Variants in TMTC1 observed in about 807,000 individuals in gnomAD.
The protein encoded by TMTC1 is transmembrane O-mannosyltransferase targeting cadherins 1.
Under a neutral mutation model 104.8 loss-of-function variants are expected in TMTC1, and 73 were observed. The ratio of observed to expected loss-of-function variants is 0.70; its 90% CI spans 0.58 to 0.85. TMTC1 has a LOEUF of 0.85. Among genes scored for constraint, TMTC1 ranks in the 40% least tolerant of loss-of-function variants. TMTC1 has a pLI of 0.00. For synonymous variants in TMTC1, 434 were observed against 428.7 expected, an observed-to-expected ratio of 1.01 and a Z score of -0.15; for missense variants, 1,035 against 1,096.1, an observed-to-expected ratio of 0.94 and a Z score of 0.79.
At chr12:29,546,700 T>G (rs542910029) in intron 10 of TMTC1, among the ~76,000 whole-genome samples, 1 of 152,170 alleles carries the variant, frequency 6.6e-6, no homozygotes, top group Non-Finnish European at 1.5e-5. Flanking sequence ...GACAAATGTA[T>G]GCAGAAAGAA....
At chr12:29,544,680 G>A (rs1944894527) in intron 10 of TMTC1, among the ~76,000 whole-genome samples, 1 of 152,194 alleles carries the variant, frequency 6.6e-6, no homozygotes, top group African/African-American at 2.4e-5. Context: ...TCACTTCAAA[G>A]TGTATGCAAA....
At chr12:29,775,230 T>A (rs1055842661) in intron 1 of TMTC1, among the ~76,000 whole-genome samples, 9 of 152,278 alleles carry the variant, frequency 5.9e-5, no homozygotes, top group Middle Eastern at 3.4e-3. Context: ...CATTTTTTTT[T>A]AAATGTGTGT....
At chr12:29,691,729 A>AAC (rs1252011559) in intron 5 of TMTC1, among the ~76,000 whole-genome samples, 2 of 142,570 alleles carry the variant, frequency 1.4e-5, no homozygotes, top group Non-Finnish European at 3.0e-5. Flanking sequence ...GGAAAAAAAA[A>AAC]AAAAAAAAAC....
intron 2 of TMTC1, among the ~76,000 whole-genome samples, chr12:29,766,560 T>A (rs919775818): frequency 1.3e-5 from 2 of 152,158 alleles, no homozygotes; most frequent in Non-Finnish European, 2.9e-5. Flanking sequence ...ATCAGACTAT[T>A]CCTTTGTAAG....
At chr12:29,563,021 C>T (rs965806646) in intron 9 of TMTC1, among the ~76,000 whole-genome samples, 7 of 152,196 alleles carry the variant, frequency 4.6e-5, no homozygotes, top group Non-Finnish European at 1.0e-4. Flanking sequence ...TTCTTCATCA[C>T]TAACCTAGTG....
At chr12:29,735,423 A>G (rs1403635117) in intron 5 of TMTC1, among the ~76,000 whole-genome samples, 1 of 152,222 alleles carries the variant, frequency 6.6e-6, no homozygotes, top group Non-Finnish European at 1.5e-5. Flanking sequence ...AGTCGTTATA[A>G]GGATTAAGTG....
At chr12:29,670,937 A>G (rs547389858) in intron 5 of TMTC1, among the ~76,000 whole-genome samples, 7 of 125,386 alleles carry the variant, frequency 5.6e-5, no homozygotes, top group Non-Finnish European at 1.1e-4. Flanking sequence ...TCTGTCTCAA[A>G]AAAAAAGAAA....
At chr12:29,586,113 A>C (rs1458130481) in intron 7 of TMTC1, among the ~76,000 whole-genome samples, 4 of 152,080 alleles carry the variant, frequency 2.6e-5, no homozygotes, top group East Asian at 1.9e-4. Flanking sequence ...CTTTTATTTC[A>C]TTGAGCAGTG....
chr12:29,624,026 C>T (rs1937834136), intron 6 of TMTC1, among the ~76,000 whole-genome samples: 1 of 152,004 alleles, frequency 6.6e-6, no homozygotes, highest in South Asian at 2.1e-4. Context: ...GTTGCCCTGG[C>T]TGGAGCACAG....
rs77513599 is a variant in TMTC1 at position 29,555,134 on chromosome 12, C to CTTTTTT, written c.1676+1717_1676+1722dup. The stretch of plus-strand genomic sequence containing the variant: ...GGGTTTAGGATTCAGTTCCAACATC[C>CTTTTTT]TTTTTTTTTTTTTTTTTTTTTGAGA... On this transcript the variant is annotated intron_variant, in intron 10 of 17. Coordinates refer to ENST00000539277, the MANE Select transcript of TMTC1 (RefSeq NM_001193451.2). Among the ~76,000 whole-genome samples, 161 of 88,198 alleles carry CTTTTTT rather than the reference C, an allele frequency of 1.8e-3. 7 individuals are homozygous for CTTTTTT. Among genetic ancestry groups the CTTTTTT allele is most frequent in the African/African-American group, 4.7e-3 (99 of 21,286 alleles). 57.9% of individuals were successfully genotyped at this position (88,198 alleles called of 152,430 possible). A position where few individuals can be genotyped will look rare whatever the true frequency, so the allele number is the denominator to read the frequency against.
chr12:29,709,512 C>T (rs758196152), intron 5 of TMTC1, among the ~76,000 whole-genome samples: 1 of 151,934 alleles, frequency 6.6e-6, no homozygotes, highest in Non-Finnish European at 1.5e-5. Context: ...AAGAACAATA[C>T]ATTTCCATGT....
intron 2 of TMTC1, among the ~76,000 whole-genome samples, chr12:29,766,993 A>G (rs1262551428): frequency 6.6e-6 from 1 of 151,104 alleles, no homozygotes; most frequent in Non-Finnish European, 1.5e-5. Flanking sequence ...TCTGTTGCCC[A>G]GGCTGGAGTA....
intron 5 of TMTC1, among the ~76,000 whole-genome samples, chr12:29,638,765 C>T (rs916759722): frequency 3.2e-4 from 48 of 152,260 alleles, no homozygotes; most frequent in African/African-American, 1.0e-3. Flanking sequence ...ACCGAAGAAT[C>T]GAGCCACTCC....
intron 5 of TMTC1, among the ~76,000 whole-genome samples, chr12:29,709,373 A>T (rs185523610): frequency 1.3e-5 from 2 of 152,338 alleles, no homozygotes; most frequent in African/African-American, 4.8e-5. Flanking sequence ...TGTGTATATT[A>T]AGTGAGATAA....
chr12:29,528,875 A>G (rs1944420420), intron 11 of TMTC1, among the ~76,000 whole-genome samples: 1 of 151,860 alleles, frequency 6.6e-6, no homozygotes, highest in Non-Finnish European at 1.5e-5. Context: ...AAACTTAAAC[A>G]TAAATAATAT....
At chr12:29,705,933 C>T (rs921829937) in intron 5 of TMTC1, among the ~76,000 whole-genome samples, 5 of 151,722 alleles carry the variant, frequency 3.3e-5, no homozygotes, top group Non-Finnish European at 7.4e-5. Flanking sequence ...ATGTCTGCTT[C>T]GGGCTGAAGA....
At chr12:29,600,932 G>A (rs982412483) in intron 7 of TMTC1, among the ~76,000 whole-genome samples, 2 of 152,194 alleles carry the variant, frequency 1.3e-5, no homozygotes, top group South Asian at 4.1e-4. Flanking sequence ...GAAAGAAAAG[G>A]ACAGTCATCT....
chr12:29,615,089 G>A (rs1946943117), intron 6 of TMTC1, among the ~76,000 whole-genome samples: 1 of 152,206 alleles, frequency 6.6e-6, no homozygotes, highest in African/African-American at 2.4e-5. Flanking sequence ...CCAGAGTCCT[G>A]GGTTATAAGC....
chr12:29,537,758 C>T (rs755027237), intron 10 of TMTC1, among the ~76,000 whole-genome samples: 2 of 152,164 alleles, frequency 1.3e-5, no homozygotes, highest in South Asian at 2.1e-4. Context: ...CCATCTCCCA[C>T]GCCCCGGCCC....
Sources: gnomAD v4.1 joint callset for allele counts (sites outside exome capture counted in the v4.1 genomes callset) on GRCh38, gnomAD v4.1.1 for gene constraint, MANE v1.5 for transcripts, NCBI Gene and HGNC (gene_info 2026-07-23, HGNC 2026-07-21) for gene names.